GALNT3: variants seen among roughly 807,000 people sequenced by gnomAD.
GALNT3 encodes the protein polypeptide N-acetylgalactosaminyltransferase 3.
GALNT3 carries 51 observed loss-of-function variants against 69.8 expected under a neutral mutation model. The observed-to-expected ratio is 0.73, with a 90% CI of 0.58 to 0.92. The LOEUF is 0.92. Ranked by LOEUF, GALNT3 falls within the 40% of genes least tolerant of loss-of-function variation. GALNT3 has a pLI of 0.00. For synonymous variants in GALNT3, 265 were observed against 248.5 expected (o/e 1.07, Z -0.63); for missense variants, 711 against 760.0 (o/e 0.94, Z 0.76).
At chr2:165,773,190 C>T (rs1688783070) in intron 1 of GALNT3, among the ~76,000 whole-genome samples, 2 of 152,130 alleles carry the variant, frequency 1.3e-5, no homozygotes, top group South Asian at 4.2e-4. Context: ...GTGTCAAGGG[C>T]AGGGGCAGAT....
Position 165,768,089 on chromosome 2 carries a change from G to C in GALNT3, c.515+2097C>G, listed in dbSNP as rs1186836436. 3.3e-5 allele frequency among the ~76,000 whole-genome samples: 5 copies of C among 152,206 alleles called. No homozygotes were observed. In the East Asian group the frequency reaches 9.7e-4, roughly 29 times the overall value. ...AGGTTTCACCATGTTGGCCAGGCCA[G>C]GCACAGTAGCTCATGCCTTTAATCC... On this transcript the variant is annotated intron_variant, in intron 2 of 10. Coordinates refer to ENST00000392701, the MANE Select transcript of GALNT3 (RefSeq NM_004482.4).
At chr2:165,760,417 G>A (rs1396872435) in intron 4 of GALNT3, among the ~76,000 whole-genome samples, 1 of 152,158 alleles carries the variant, frequency 6.6e-6, no homozygotes, top group Admixed American at 6.5e-5. Context: ...CACACAGCAA[G>A]TTCAGCCAAT....
chr2:165,794,555 A>G (rs1052135506), upstream of GALNT3: 4 of 152,406 alleles, frequency 2.6e-5, no homozygotes, highest in African/African-American at 9.6e-5. Flanking sequence ...CAGAAGTTCT[A>G]GATTTCCCCC....
intron 1 of GALNT3, among the ~76,000 whole-genome samples, chr2:165,783,222 T>C (rs1683150008): frequency 6.6e-6 from 1 of 152,286 alleles, no homozygotes; most frequent in South Asian, 2.1e-4. Flanking sequence ...CCTTCACTAA[T>C]GTACTTCTTA....
chr2:165,749,269 T>A (rs558317031), intron 10 of GALNT3, among the ~76,000 whole-genome samples: 13 of 152,284 alleles, frequency 8.5e-5, no homozygotes, highest in African/African-American at 3.1e-4. Flanking sequence ...AGAATTGCTA[T>A]GATACAGCTA....
chr2:165,778,347 A>C (rs978699319), intron 1 of GALNT3, among the ~76,000 whole-genome samples: 1 of 152,186 alleles, frequency 6.6e-6, no homozygotes, highest in Non-Finnish European at 1.5e-5. Flanking sequence ...ACTGCATTTT[A>C]AAACATTTGT....
intron 1 of GALNT3, among the ~76,000 whole-genome samples, chr2:165,779,064 T>C (rs1395365937): frequency 1.3e-5 from 2 of 152,142 alleles, no homozygotes; most frequent in Non-Finnish European, 2.9e-5. Flanking sequence ...AAGTGCAGTG[T>C]GTGGGGAACA....
intron 1 of GALNT3, among the ~76,000 whole-genome samples, chr2:165,793,485 C>G (rs1053135319): frequency 4.6e-5 from 7 of 152,224 alleles, no homozygotes; most frequent in African/African-American, 1.7e-4. Context: ...CACTCGGAAA[C>G]CATTTAAATG....
In GALNT3 at chr2:165,749,854, A is replaced by G; in HGVS notation, c.1667T>C (p.Ile556Thr). Residue 556 changes from isoleucine to threonine, a missense_variant, in exon 10 of 11, where the codon ATC (isoleucine) becomes ACC (threonine). Physicochemically the swap from Ile to Thr is moderately conservative, Grantham distance 89. Coordinates refer to ENST00000392701, the MANE Select transcript of GALNT3 (RefSeq NM_004482.4). ...YSAQHEIRHN[I>T]QKELCLHAAQ... Reference sequence around the variant, plus strand: ...AGCATGAAGACATAATTCCTTCTGGATGTTGTGCCGAATTTCATGTTGAGC... The same window carrying G: ...AGCATGAAGACATAATTCCTTCTGGGTGTTGTGCCGAATTTCATGTTGAGC... The G allele has an allele frequency of 6.2e-7, 1 of 1,613,588 alleles. No homozygotes were observed. The highest frequency in any genetic ancestry group is 8.5e-7 in the Non-Finnish European group (1 of 1,179,650).
chr2:165,755,963 C>G (rs969074004), intron 7 of GALNT3, among the ~76,000 whole-genome samples: 1 of 152,074 alleles, frequency 6.6e-6, no homozygotes, highest in Admixed American at 6.6e-5. Flanking sequence ...TTGTGGGGGA[C>G]AAGCAGAGCA....
intron 1 of GALNT3, among the ~76,000 whole-genome samples, chr2:165,790,785 G>A (rs1321673597): frequency 4.6e-5 from 7 of 152,094 alleles, no homozygotes; most frequent in African/African-American, 1.7e-4. Flanking sequence ...TCTTTTTGTG[G>A]AGAGGGGGAG....
At chr2:165,792,004 G>A (rs1023880559) in intron 1 of GALNT3, among the ~76,000 whole-genome samples, 1 of 152,212 alleles carries the variant, frequency 6.6e-6, no homozygotes, top group African/African-American at 2.4e-5. Flanking sequence ...AAGTGAGGAT[G>A]TGGGTGGTGA....
chr2:165,789,055 A>T (rs1288451510), intron 1 of GALNT3, among the ~76,000 whole-genome samples: 1 of 152,232 alleles, frequency 6.6e-6, no homozygotes, highest in African/African-American at 2.4e-5. Context: ...GTAGAAGTGA[A>T]AGAATTTATG....
chr2:165,786,927 C>T (rs1250547670), intron 1 of GALNT3, among the ~76,000 whole-genome samples: 7 of 151,942 alleles, frequency 4.6e-5, no homozygotes, highest in Admixed American at 4.6e-4. Context: ...AAATAAGGAC[C>T]AGTACTTATT....
chr2:165,792,304 AG>A (rs1271484092), intron 1 of GALNT3, among the ~76,000 whole-genome samples: 3 of 152,224 alleles, frequency 2.0e-5, no homozygotes, highest in Non-Finnish European at 4.4e-5. Context: ...ATTTCTCACT[AG>A]AGGTTAAGAG....
intron 1 of GALNT3, among the ~76,000 whole-genome samples, chr2:165,779,512 G>T (rs993083545): frequency 6.6e-6 from 1 of 152,056 alleles, no homozygotes; most frequent in African/African-American, 2.4e-5. Flanking sequence ...CCTCAAAAAC[G>T]AGAGACATAG....
chr2:165,777,394 A>G (rs1219014193), intron 1 of GALNT3, among the ~76,000 whole-genome samples: 1 of 152,224 alleles, frequency 6.6e-6, no homozygotes, highest in Non-Finnish European at 1.5e-5. Context: ...CACATTATCT[A>G]TCATCTGTAT....
At chr2:165,753,909 CTT>C (rs989926440) in intron 9 of GALNT3, among the ~76,000 whole-genome samples, 26 of 152,120 alleles carry the variant, frequency 1.7e-4, no homozygotes, top group African/African-American at 6.3e-4. Context: ...GTTATTAACA[CTT>C]GATGTAATTT....
intron 1 of GALNT3, among the ~76,000 whole-genome samples, chr2:165,782,834 T>C (rs1559006819): frequency 6.6e-6 from 1 of 152,166 alleles, no homozygotes; most frequent in African/African-American, 2.4e-5. Context: ...GTCTGAAAAC[T>C]GAGTGAGATG....
Sources: gnomAD v4.1 joint callset for allele counts (sites outside exome capture counted in the v4.1 genomes callset) on GRCh38, gnomAD v4.1.1 for gene constraint, MANE v1.5 for transcripts, NCBI Gene and HGNC (gene_info 2026-07-23, HGNC 2026-07-21) for gene names.